TMEM161B: variants seen among roughly 807,000 people sequenced by gnomAD.
TMEM161B encodes transmembrane protein 161B.
In TMEM161B, 34 loss-of-function variants were observed where a neutral mutation model predicts 61.8. The ratio of observed to expected loss-of-function variants is 0.55; its 90% CI spans 0.42 to 0.73. The LOEUF (loss-of-function observed/expected upper bound fraction) is 0.73, where lower values mean the gene tolerates loss of function less well. Ranked by LOEUF, TMEM161B falls within the 30% of genes least tolerant of loss-of-function variation. The probability of loss-of-function intolerance (pLI) is 0.00; values close to 1 mark genes in which losing one functional copy is unlikely to be tolerated. For synonymous variants in TMEM161B, 167 were observed against 192.8 expected (o/e 0.87, Z 1.11); for missense variants, 456 against 558.5 (o/e 0.82, Z 1.85).
intron 4 of TMEM161B, among the ~76,000 whole-genome samples, chr5:88,223,718 T>C (rs190267757): frequency 2.0e-5 from 3 of 152,158 alleles, no homozygotes; most frequent in African/African-American, 7.2e-5. Flanking sequence ...AAACCCCGTC[T>C]CCACTAAAAA....
intron 1 of TMEM161B, among the ~76,000 whole-genome samples, chr5:88,242,703 T>C (rs1727342129): frequency 6.6e-6 from 1 of 151,732 alleles, no homozygotes; most frequent in Non-Finnish European, 1.5e-5. Flanking sequence ...AAATTGTGCC[T>C]GGTACAGAGT....
At chr5:88,223,149 G>A (rs776142910) in intron 4 of TMEM161B, among the ~76,000 whole-genome samples, 4 of 144,488 alleles carry the variant, frequency 2.8e-5, no homozygotes, top group East Asian at 2.0e-4. Flanking sequence ...TTTTTAGTTC[G>A]TTGAAATAGC....
At chr5:88,248,135 C>T (rs1273429049) in intron 1 of TMEM161B, among the ~76,000 whole-genome samples, 1 of 151,970 alleles carries the variant, frequency 6.6e-6, no homozygotes, top group African/African-American at 2.4e-5. Context: ...ATCAAGGATC[C>T]CATTTTTACA....
chr5:88,232,811 T>C (rs983864643), intron 2 of TMEM161B, among the ~76,000 whole-genome samples: 1 of 152,168 alleles, frequency 6.6e-6, no homozygotes, highest in Non-Finnish European at 1.5e-5. Context: ...CCTGACCTCA[T>C]GATCTGCCCG....
chr5:88,232,367 A>C (rs1751141132), intron 2 of TMEM161B, among the ~76,000 whole-genome samples: 1 of 152,234 alleles, frequency 6.6e-6, no homozygotes, highest in African/African-American at 2.4e-5. Context: ...CAAAATCCAC[A>C]AATAATGAAG....
intron 6 of TMEM161B, 44 bp from the exon 7 acceptor site, chr5:88,206,543 A>T (rs181196831): frequency 0.011 from 15,576 of 1,453,358 alleles, 107 homozygotes; most frequent in Non-Finnish European, 0.013. Flanking sequence ...TCTTATCACA[A>T]ATGTGAAATA....
In TMEM161B at chr5:88,268,397, T is replaced by G. The variant is rs571241923; in HGVS notation, c.3+324A>C. Among the ~76,000 whole-genome samples the G allele has an allele frequency of 1.6e-4, 24 of 152,262 alleles. No individual in the cohort carries two copies. The South Asian group carries it at 2.5e-3, about 16-fold the overall frequency. On this transcript the variant is annotated intron_variant, in intron 1 of 11. Transcript: ENST00000296595. ...GAGAAGGGGGCGCAGAAGAGGTGAC[T>G]GACCCGGCAAGGTCAACTCTGGGAT...
chr5:88,186,463 C>T (rs1009158413), downstream of TMEM161B, among the ~76,000 whole-genome samples: 2 of 152,056 alleles, frequency 1.3e-5, no homozygotes, highest in African/African-American at 4.8e-5. Flanking sequence ...TGTGAAGTGC[C>T]TATTCAAATG....
chr5:88,202,803 T>C (rs1580354034), intron 9 of TMEM161B, 159 bp downstream of exon 9: 1 of 659,036 alleles, frequency 1.5e-6, no homozygotes, highest in South Asian at 1.7e-5. Context: ...TGTTACATGA[T>C]GGTCTGTAGT....
intron 4 of TMEM161B, among the ~76,000 whole-genome samples, chr5:88,221,977 G>T (rs1443313514): frequency 1.3e-5 from 2 of 152,104 alleles, no homozygotes; most frequent in East Asian, 3.9e-4. Context: ...ACCAAATTTT[G>T]TACCATTTCT....
rs558912554 is a variant in TMEM161B at position 88,206,508 on chromosome 5, GA to G, written c.599-10del. 2.8e-3 allele frequency: 3,597 copies of G among 1,306,312 alleles called. 10 individuals are homozygous for G. The highest frequency in any genetic ancestry group is 0.027 in the African/African-American group (1,798 of 66,706). The allele number at this position is 1,306,312 out of a possible 1,614,324, so 80.9% of individuals were successfully genotyped here. ...TGAAAAATTTGTAAACCCTGTGGGG[GA>G]AAAAAAAAAAAACAACAGATTACTC... On this transcript the variant is annotated splice_polypyrimidine_tract_variant and intron_variant, in intron 6 of 11. Coordinates refer to ENST00000296595, the MANE Select transcript of TMEM161B (RefSeq NM_153354.5).
intron 2 of TMEM161B, among the ~76,000 whole-genome samples, chr5:88,229,428 T>C (rs1750603081): frequency 6.6e-6 from 1 of 151,684 alleles, no homozygotes; most frequent in Non-Finnish European, 1.5e-5. Flanking sequence ...ACTGGTATCC[T>C]CCCTGCCTTC....
chr5:88,190,388 G>C (rs2112296525), downstream of TMEM161B: 1 of 634,670 alleles, frequency 1.6e-6, no homozygotes, highest in Non-Finnish European at 2.9e-6. Context: ...TGCACAGCCA[G>C]TACAATTGCA....
In TMEM161B at chr5:88,249,991, C is replaced by G. The variant is rs557717093; in HGVS notation, c.4-9075G>C. Among the ~76,000 whole-genome samples, 145 of 152,270 alleles carry G rather than the reference C, an allele frequency of 9.5e-4. 1 individual carries two copies. The highest frequency in any genetic ancestry group is 6.8e-3 in the Middle Eastern group (2 of 294). Reference sequence around the variant, plus strand: ...CTGCAGGGCCAGCTGGACCAGCAGGCTTGCAGGGGTCCTATATCTATGTTC... The same window carrying G: ...CTGCAGGGCCAGCTGGACCAGCAGGGTTGCAGGGGTCCTATATCTATGTTC... On this transcript the variant is annotated intron_variant, in intron 1 of 11. Coordinates refer to ENST00000296595, the MANE Select transcript of TMEM161B (RefSeq NM_153354.5).
chr5:88,264,986 A>G (rs866501462), intron 1 of TMEM161B, among the ~76,000 whole-genome samples: 1 of 152,148 alleles, frequency 6.6e-6, no homozygotes, highest in Non-Finnish European at 1.5e-5. Flanking sequence ...TAATACATAC[A>G]GAGTTTAAAA....
chr5:88,185,572 G>T (rs1298374011), downstream of TMEM161B, among the ~76,000 whole-genome samples: 1 of 152,108 alleles, frequency 6.6e-6, no homozygotes, highest in Admixed American at 6.6e-5. Flanking sequence ...CAAGAACATT[G>T]AATCTGCTAT....
intron 4 of TMEM161B, chr5:88,221,183 A>C (rs1748908626): frequency 6.0e-6 from 1 of 168,050 alleles, no homozygotes; most frequent in Non-Finnish European, 1.3e-5. Context: ...TATTGGCTGT[A>C]CTAATTGTAA....
chr5:88,230,429 C>A (rs1044879204), intron 2 of TMEM161B, among the ~76,000 whole-genome samples: 2 of 152,112 alleles, frequency 1.3e-5, no homozygotes, highest in African/African-American at 2.4e-5. Flanking sequence ...ATAATTCTAT[C>A]TACTCCTTGT....
chr5:88,254,794 A>C (rs1754759729), intron 1 of TMEM161B, among the ~76,000 whole-genome samples: 1 of 151,806 alleles, frequency 6.6e-6, no homozygotes, highest in African/African-American at 2.4e-5. Flanking sequence ...GTGAGCCATG[A>C]GTGCACCACT....
Sources: allele counts gnomAD v4.1 joint callset (sites outside exome capture counted in the v4.1 genomes callset), GRCh38; gene constraint gnomAD v4.1.1; transcripts MANE v1.5; gene names NCBI Gene and HGNC (gene_info 2026-07-23, HGNC 2026-07-21).